The following EPB41 variants were observed in gnomAD, a reference collection of about 807,000 sequenced individuals.
EPB41 encodes the protein protein 4.1.
EPB41 carries 65 observed loss-of-function variants against 108.0 expected under a neutral mutation model. The observed-to-expected ratio is 0.60, with a 90% CI of 0.49 to 0.74. EPB41 has a LOEUF of 0.74. Ranked by LOEUF, EPB41 falls within the 30% of genes least tolerant of loss-of-function variation. EPB41 has a pLI of 0.00. For synonymous variants in EPB41, 336 were observed against 358.9 expected (o/e 0.94, Z 0.72); for missense variants, 875 against 1,037.0 (o/e 0.84, Z 2.15).
chr1:28,917,175 T>C (rs1000131733), intron 1 of EPB41, among the ~76,000 whole-genome samples: 35 of 152,156 alleles, frequency 2.3e-4, no homozygotes, highest in African/African-American at 8.4e-4. Flanking sequence ...TCCACCTTTA[T>C]TCTCCTTATT....
At chr1:29,051,351 G>A (rs781453326) in intron 11 of EPB41, among the ~76,000 whole-genome samples, 14 of 151,314 alleles carry the variant, frequency 9.3e-5, no homozygotes, top group Non-Finnish European at 1.6e-4. Flanking sequence ...TGCCCACCTC[G>A]GCCTCCCAAA....
At chr1:28,918,042 G>A (rs1323244768) in intron 1 of EPB41, among the ~76,000 whole-genome samples, 1 of 152,106 alleles carries the variant, frequency 6.6e-6, no homozygotes, top group African/African-American at 2.4e-5. Context: ...GGCCATGAGA[G>A]GCTGAGTTTG....
chr1:29,039,198 T>G, intron 10 of EPB41, 56 bp from the exon 11 acceptor site: 2 of 1,543,236 alleles, frequency 1.3e-6, no homozygotes, highest in Non-Finnish European at 1.8e-6. Flanking sequence ...AATTTTACAG[T>G]TTTAGAATAA....
At chr1:28,951,925 A>G (rs1437943741) in intron 1 of EPB41, among the ~76,000 whole-genome samples, 1 of 152,178 alleles carries the variant, frequency 6.6e-6, no homozygotes, top group Non-Finnish European at 1.5e-5. Context: ...ATACTTAAGA[A>G]AACTAAGAAT....
intron 13 of EPB41, 46 bp downstream of exon 13, chr1:29,058,691 A>G (rs535415194): frequency 1.9e-6 from 3 of 1,592,370 alleles, no homozygotes; most frequent in East Asian, 2.3e-5. Context: ...CCACCCCCTC[A>G]GTTTTTTTCT....
At chr1:28,983,540 T>A (rs1360561223) in intron 1 of EPB41, among the ~76,000 whole-genome samples, 1 of 152,132 alleles carries the variant, frequency 6.6e-6, no homozygotes, top group Admixed American at 6.5e-5. Context: ...CCTGACCTCT[T>A]CATGGGAATT....
rs1365856886 is a variant in EPB41, at chr1:28,887,197, C to A, written c.-21C>A. The stretch of plus-strand genomic sequence containing the variant: ...AGAACGCGGTCGGCCCGGTCCCCGC[C>A]GCACCCAGCCCAGGTGAGCCTGGAC... On this transcript the variant is annotated 5_prime_UTR_variant, in exon 1 of 17. Transcript: ENST00000347529. The surrounding 1 kb of genome is among the most constrained non-coding windows in gnomAD (Gnocchi z 4.9). The A allele has an allele frequency of 1.1e-5, 14 of 1,271,242 alleles. No homozygotes were observed. The highest frequency in any genetic ancestry group is 1.4e-5 in the Non-Finnish European group (14 of 973,284). 78.7% of individuals were successfully genotyped at this position (1,271,242 alleles called of 1,614,324 possible).
intron 4 of EPB41, among the ~76,000 whole-genome samples, chr1:29,002,974 A>C (rs1475020017): frequency 1.3e-5 from 2 of 152,174 alleles, no homozygotes; most frequent in African/African-American, 2.4e-5. Context: ...TTTAGCATCT[A>C]CCCACTTCCT....
chr1:29,030,019 T>G (rs1186792403), intron 7 of EPB41, among the ~76,000 whole-genome samples: 1 of 152,180 alleles, frequency 6.6e-6, no homozygotes, highest in Non-Finnish European at 1.5e-5. Context: ...GGATTTAATT[T>G]GGTCATCTCC....
At chr1:28,977,154 T>C (rs1454823713) in intron 1 of EPB41, among the ~76,000 whole-genome samples, 2 of 151,996 alleles carry the variant, frequency 1.3e-5, no homozygotes, top group African/African-American at 2.4e-5. Flanking sequence ...TGCCCAGTGG[T>C]TTTTTATTTT....
intron 16 of EPB41, chr1:29,068,620 T>C (rs1305349080): frequency 6.7e-6 from 4 of 600,816 alleles, no homozygotes; most frequent in African/African-American, 1.9e-5. Flanking sequence ...TCTTACTTTT[T>C]CTTTAACAAT....
intron 1 of EPB41, among the ~76,000 whole-genome samples, chr1:28,890,477 C>A (rs1010525420): frequency 1.3e-5 from 2 of 152,104 alleles, no homozygotes; most frequent in East Asian, 3.9e-4. Flanking sequence ...GGTCTTCCAG[C>A]GCCTATTACT....
chr1:29,017,673 A>G (rs915699004), intron 6 of EPB41, among the ~76,000 whole-genome samples: 2 of 152,222 alleles, frequency 1.3e-5, no homozygotes, highest in Admixed American at 1.3e-4. Context: ...TCATCTTTGT[A>G]TATGAAGGAC....
rs936291108 is a variant in EPB41, at chr1:28,927,326, G to A, written c.-8+12558G>A. Reference sequence around the variant, plus strand: ...TGTGTTCCTCTTTTTGATTGAAACAGAGAACTGATGAATTCACCCCAATTC... The same window carrying A: ...TGTGTTCCTCTTTTTGATTGAAACAAAGAACTGATGAATTCACCCCAATTC... On this transcript the variant is annotated intron_variant, in intron 1 of 20. Coordinates refer to ENST00000343067, the MANE Select transcript of EPB41 (RefSeq NM_001376013.1). Among the ~76,000 whole-genome samples the A allele has an allele frequency of 2.6e-5, 4 of 152,140 alleles. No homozygotes were observed. The East Asian group carries it at 7.7e-4, about 29-fold the overall frequency.
intron 1 of EPB41, among the ~76,000 whole-genome samples, chr1:28,925,630 G>T (rs1353178570): frequency 2.0e-5 from 3 of 152,122 alleles, no homozygotes; most frequent in Admixed American, 2.0e-4. Flanking sequence ...ATCTGGGGAA[G>T]AGCATCCCAG....
Position 28,898,529 on chromosome 1 carries a change from A to G in EPB41, c.-8+11319A>G, listed in dbSNP as rs1570074988. Among the ~76,000 whole-genome samples, 3 of 152,346 alleles carry G rather than the reference A, an allele frequency of 2.0e-5. No individual in the cohort carries two copies. In the South Asian group the frequency reaches 6.2e-4, roughly 32 times the overall value. On this transcript the variant is annotated intron_variant, in intron 1 of 16. Coordinates refer to the EPB41 transcript ENST00000347529. ...ATAATCTCCACAAATGGCCTGGCCC[A>G]GTGTCTGTATATATTGGGCACCCAT... is the stretch of plus-strand genomic sequence containing the variant.
intron 7 of EPB41, among the ~76,000 whole-genome samples, chr1:29,020,756 C>T (rs1294422203): frequency 6.6e-6 from 1 of 151,930 alleles, no homozygotes; most frequent in Admixed American, 6.6e-5. Context: ...CTCCTAGGTT[C>T]AAGTGATCGT....
At chr1:28,933,343 T>A (rs1282386347) in intron 1 of EPB41, among the ~76,000 whole-genome samples, 1 of 152,244 alleles carries the variant, frequency 6.6e-6, no homozygotes, top group Non-Finnish European at 1.5e-5. Context: ...ATTTTCCTTT[T>A]ATGAATCATA....
intron 11 of EPB41, among the ~76,000 whole-genome samples, chr1:29,048,440 A>G (rs1010282008): frequency 1.3e-5 from 2 of 151,746 alleles, no homozygotes; most frequent in Non-Finnish European, 2.9e-5. Context: ...CGAACTCCTG[A>G]CCTCAGGTGA....
Sources: gnomAD v4.1 joint callset for allele counts (sites outside exome capture counted in the v4.1 genomes callset) on GRCh38, gnomAD v4.1.1 for gene constraint, Gnocchi (gnomAD v3.1) non-coding constraint, MANE v1.5 for transcripts, NCBI Gene and HGNC (gene_info 2026-07-23, HGNC 2026-07-21) for gene names.